GPC3: variants seen among roughly 807,000 people sequenced by gnomAD.
GPC3 encodes glypican 3, also known as glypican-3.
GPC3 carries 3 observed loss-of-function variants against 34.4 expected under a neutral mutation model. The ratio of observed to expected loss-of-function variants is 0.09; its 90% CI spans 0.04 to 0.23. The LOEUF (loss-of-function observed/expected upper bound fraction) is 0.23, where lower values mean the gene tolerates loss of function less well. Ranked by LOEUF, GPC3 falls within the 10% of genes least tolerant of loss-of-function variation. The pLI is 1.00. For synonymous variants in GPC3, 177 were observed against 174.0 expected, an observed-to-expected ratio of 1.02 and a Z score of -0.13; for missense variants, 351 against 445.6, an observed-to-expected ratio of 0.79 and a Z score of 1.91.
At chrX:133,896,906 C>CT (rs1377700485) in intron 2 of GPC3, among the ~76,000 whole-genome samples, 3,232 of 92,371 alleles carry the variant, frequency 0.035, 148 homozygotes, top group African/African-American at 0.098. Flanking sequence ...ACTCTGTGAC[C>CT]TTTTTTTTTT....
At chrX:133,650,457 C>CCACACACACACA (rs537936603) in intron 6 of GPC3, among the ~76,000 whole-genome samples, 9 of 97,669 alleles carry the variant, frequency 9.2e-5, no homozygotes, top group African/African-American at 3.4e-4. Flanking sequence ...ACACACCCAC[C>CCACACACACACA]CACACACACA....
intron 7 of GPC3, among the ~76,000 whole-genome samples, chrX:133,588,944 T>C (rs1040717723): frequency 9.0e-6 from 1 of 111,388 alleles, no homozygotes; most frequent in Admixed American, 9.5e-5. Flanking sequence ...TCTTAAAGGC[T>C]TCCTCCACAG....
At chrX:133,630,211 C>G (rs1446554299) in intron 6 of GPC3, among the ~76,000 whole-genome samples, 1 of 111,750 alleles carries the variant, frequency 8.9e-6, no homozygotes, top group Non-Finnish European at 1.9e-5. Flanking sequence ...GGAATAATTG[C>G]TAATCAAATG....
intron 5 of GPC3, among the ~76,000 whole-genome samples, chrX:133,684,689 A>G (rs1437862334): frequency 9.0e-6 from 1 of 110,862 alleles, no homozygotes; most frequent in African/African-American, 3.3e-5. Context: ...TGCCTTGGGC[A>G]CTTTGGAGAA....
At chrX:133,564,438 G>A (rs1278123635) in intron 7 of GPC3, among the ~76,000 whole-genome samples, 1 of 111,017 alleles carries the variant, frequency 9.0e-6, no homozygotes, top group African/African-American at 3.3e-5. Context: ...TTGTTTAAAC[G>A]ACAATGGGTG....
At chrX:133,830,825 A>G (rs1165066218) in intron 2 of GPC3, among the ~76,000 whole-genome samples, 2 of 110,437 alleles carry the variant, frequency 1.8e-5, no homozygotes, top group African/African-American at 6.6e-5. Context: ...GGAAGACTTC[A>G]TCACAATTAA....
At chrX:133,796,090 C>G (rs2075579367) in intron 2 of GPC3, among the ~76,000 whole-genome samples, 2 of 108,781 alleles carry the variant, frequency 1.8e-5, no homozygotes, top group South Asian at 4.1e-4. Flanking sequence ...GGACTACAGG[C>G]CCCGCCACCA....
At position 133,661,837 on chromosome X, in the gene GPC3, C is replaced by T. The variant is rs1556233681; in HGVS notation, c.1306G>A (p.Ala436Thr). 3 of 1,198,043 alleles carry T rather than the reference C, an allele frequency of 2.5e-6. No individual in the cohort carries two copies. The East Asian group carries it at 8.9e-5, about 36-fold the overall frequency. Reference protein sequence around the residue: ...QELVERYSQKAARNGMKNQFN... With the variant: ...QELVERYSQKTARNGMKNQFN... ...TGGTTTTTCATTCCATTCCTTGCTG[C>T]CTTTTGGCTGTATCTGTAAAGGTGA... is the stretch of plus-strand genomic sequence containing the variant. The change falls in exon 6 of 8, where the codon GCA becomes ACA. Residue 436 changes from alanine to threonine, a missense_variant. Ala to Thr is a moderately conservative substitution (Grantham distance 58, BLOSUM62 0). Transcript: ENST00000370818.
chrX:133,958,076 T>C (rs1225071776), intron 1 of GPC3, among the ~76,000 whole-genome samples: 3 of 112,346 alleles, frequency 2.7e-5, no homozygotes, highest in African/African-American at 9.7e-5. Flanking sequence ...AGTACCTTCA[T>C]ACTATAATCT....
At chrX:133,984,990 C>T (rs1224790357) in intron 1 of GPC3, among the ~76,000 whole-genome samples, 1 of 111,918 alleles carries the variant, frequency 8.9e-6, no homozygotes, top group East Asian at 2.8e-4. Flanking sequence ...CCTTCTCGCC[C>T]TTCCAAAAAA....
At chrX:133,973,716 G>A (rs755815689) in intron 1 of GPC3, among the ~76,000 whole-genome samples, 3 of 112,371 alleles carry the variant, frequency 2.7e-5, no homozygotes, top group South Asian at 3.7e-4. Flanking sequence ...TATTCCTAGC[G>A]TTTACTTGGA....
intron 5 of GPC3, among the ~76,000 whole-genome samples, chrX:133,670,028 C>G (rs1222474260): frequency 9.0e-6 from 1 of 111,675 alleles, no homozygotes; most frequent in African/African-American, 3.3e-5. Flanking sequence ...GAAAAGGAAC[C>G]TCATTAAAAC....
At chrX:133,906,237 C>T (rs917467814) in intron 2 of GPC3, among the ~76,000 whole-genome samples, 2 of 111,971 alleles carry the variant, frequency 1.8e-5, no homozygotes, top group Non-Finnish European at 3.8e-5. Flanking sequence ...CAAGATATCT[C>T]TGCCATTATT....
chrX:133,852,827 T>C (rs2075880817), intron 2 of GPC3, among the ~76,000 whole-genome samples: 1 of 110,394 alleles, frequency 9.1e-6, no homozygotes. Context: ...TTACCACCTA[T>C]AACTTCTACT....
intron 7 of GPC3, among the ~76,000 whole-genome samples, chrX:133,571,078 A>G (rs967249907): frequency 5.3e-5 from 6 of 112,239 alleles, no homozygotes; most frequent in Non-Finnish European, 1.1e-4. Flanking sequence ...CTTTAAACTC[A>G]CATCTTGGTT....
intron 2 of GPC3, among the ~76,000 whole-genome samples, chrX:133,880,449 C>T (rs1237537622): frequency 8.9e-6 from 1 of 111,929 alleles, no homozygotes; most frequent in African/African-American, 3.2e-5. Context: ...GATCAAAGAT[C>T]TAGAGGCAGC....
At chrX:133,827,944 C>CAAAAAAAAAAAAAAAAAAAAAAAAAAAA (rs760699432) in intron 2 of GPC3, among the ~76,000 whole-genome samples, 1 of 36,025 alleles carries the variant, frequency 2.8e-5, no homozygotes, top group Non-Finnish European at 4.6e-5. Flanking sequence ...AACTCCATCC[C>CAAAAAAAAAAAAAAAAAAAAAAAAAAAA]AAAAAAAAAA....
chrX:133,847,950 T>C (rs2124556912), intron 2 of GPC3, among the ~76,000 whole-genome samples: 1 of 112,354 alleles, frequency 8.9e-6, no homozygotes, highest in South Asian at 3.7e-4. Context: ...TGTCTGATTG[T>C]TGTTTCTGAA....
intron 5 of GPC3, among the ~76,000 whole-genome samples, chrX:133,672,142 G>A (rs142780003): frequency 0.016 from 1,800 of 111,561 alleles, 30 homozygotes; most frequent in African/African-American, 0.055. Flanking sequence ...AGAAGAGTCT[G>A]TGGCTGTAGG....
Sources: gnomAD v4.1 joint callset for allele counts (sites outside exome capture counted in the v4.1 genomes callset) on GRCh38, gnomAD v4.1.1 for gene constraint, MANE v1.5 for transcripts, NCBI Gene and HGNC (gene_info 2026-07-23, HGNC 2026-07-21) for gene names.